Variants in DPP10 observed in about 807,000 individuals in gnomAD.
DPP10 encodes dipeptidyl peptidase like 10.
A neutral mutation model predicts 120.9 loss-of-function variants in DPP10; 33 were observed. That is an observed-to-expected ratio of 0.27 (90% CI 0.21 to 0.37). The LOEUF (loss-of-function observed/expected upper bound fraction) is 0.37, where lower values mean the gene tolerates loss of function less well. Among genes scored for constraint, DPP10 ranks in the 10% least tolerant of loss-of-function variants. The probability of loss-of-function intolerance (pLI) is 1.00; values close to 1 mark genes in which losing one functional copy is unlikely to be tolerated. For synonymous variants in DPP10, 337 were observed against 326.1 expected (o/e 1.03, Z -0.36); for missense variants, 816 against 942.8 (o/e 0.87, Z 1.76).
At chr2:114,730,796 G>C (rs1196859326) in intron 1 of DPP10, among the ~76,000 whole-genome samples, 1 of 151,970 alleles carries the variant, frequency 6.6e-6, no homozygotes, top group Non-Finnish European at 1.5e-5. Flanking sequence ...GTTTCACCCT[G>C]TTAGGCTGGT....
chr2:114,621,238 T>C (rs1291649598), intron 1 of DPP10, among the ~76,000 whole-genome samples: 1 of 152,106 alleles, frequency 6.6e-6, no homozygotes, highest in Admixed American at 6.6e-5. Flanking sequence ...GGGAGACAGT[T>C]GTAATACTTA....
At chr2:115,503,090 C>G (rs1327906766) in intron 4 of DPP10, among the ~76,000 whole-genome samples, 1 of 151,996 alleles carries the variant, frequency 6.6e-6, no homozygotes, top group Non-Finnish European at 1.5e-5. Context: ...CTCTGTAAGC[C>G]TATTTAAATA....
chr2:115,089,074 C>A (rs1446747953), intron 1 of DPP10, among the ~76,000 whole-genome samples: 1 of 152,078 alleles, frequency 6.6e-6, no homozygotes, highest in Non-Finnish European at 1.5e-5. Flanking sequence ...TTTTTATGCG[C>A]CACCTTCTGC....
chr2:114,716,057 T>TA (rs374803527), intron 1 of DPP10, among the ~76,000 whole-genome samples: 41 of 146,810 alleles, frequency 2.8e-4, no homozygotes, highest in East Asian at 1.0e-3. Flanking sequence ...GTCTTTTTTT[T>TA]AAAAAAAAAA....
At chr2:115,449,079 T>C (rs1401146498) in intron 3 of DPP10, among the ~76,000 whole-genome samples, 1 of 152,172 alleles carries the variant, frequency 6.6e-6, no homozygotes, top group Non-Finnish European at 1.5e-5. Flanking sequence ...AAAGAAATGC[T>C]GAACTTTTCA....
intron 1 of DPP10, among the ~76,000 whole-genome samples, chr2:114,896,495 CA>C (rs1177852069): frequency 6.6e-6 from 1 of 151,992 alleles, no homozygotes; most frequent in Non-Finnish European, 1.5e-5. Context: ...CTCTTTGAAG[CA>C]ATTGTGAATG....
chr2:114,704,015 C>A (rs1030881556), intron 1 of DPP10, among the ~76,000 whole-genome samples: 1 of 152,110 alleles, frequency 6.6e-6, no homozygotes, highest in African/African-American at 2.4e-5. Flanking sequence ...GTACCACATG[C>A]TTTTCCAAAT....
chr2:114,761,768 T>C (rs1680302858), intron 1 of DPP10, among the ~76,000 whole-genome samples: 1 of 152,270 alleles, frequency 6.6e-6, no homozygotes, highest in Non-Finnish European at 1.5e-5. Context: ...CTGCAGACAC[T>C]TCCCACCATA....
intron 1 of DPP10, among the ~76,000 whole-genome samples, chr2:114,603,845 C>A (rs1692569722): frequency 6.6e-6 from 1 of 151,984 alleles, no homozygotes; most frequent in Admixed American, 6.6e-5. Flanking sequence ...TGTTGTGGGT[C>A]CCCAGATCAC....
chr2:115,019,483 TA>T (rs893411962), intron 1 of DPP10, among the ~76,000 whole-genome samples: 4 of 151,712 alleles, frequency 2.6e-5, no homozygotes, highest in African/African-American at 9.7e-5. Flanking sequence ...AAAAATGAAT[TA>T]AAAAAAATGA....
chr2:115,322,158 A>G (rs556935189), intron 2 of DPP10, among the ~76,000 whole-genome samples: 1 of 152,126 alleles, frequency 6.6e-6, no homozygotes, highest in African/African-American at 2.4e-5. Context: ...TGGAACTCTT[A>G]TAATCAAATT....
intron 1 of DPP10, among the ~76,000 whole-genome samples, chr2:114,720,004 T>C (rs1348768048): frequency 6.6e-6 from 1 of 152,166 alleles, no homozygotes; most frequent in Admixed American, 6.5e-5. Flanking sequence ...TTGAGTTTGG[T>C]TAATGAAAAC....
intron 1 of DPP10, among the ~76,000 whole-genome samples, chr2:115,293,016 A>G (rs1299768120): frequency 6.6e-6 from 1 of 152,074 alleles, no homozygotes; most frequent in Non-Finnish European, 1.5e-5. Flanking sequence ...CCTGGCACTC[A>G]GGTTTGGGGC....
rs564520112 is a variant in DPP10, at chr2:114,813,176, CA to C, written c.60+370340del. On this transcript the variant is annotated intron_variant, in intron 1 of 25. Transcript: ENST00000410059. ...ATCTTTCATTTTAGACTGCTTGAAA[CA>C]ATGATTTTTTGATAATGAGTGAGCA... 2.1e-3 allele frequency among the ~76,000 whole-genome samples: 324 copies of C among 152,222 alleles called. 3 individuals carry two copies. The highest frequency in any genetic ancestry group is 7.0e-3 in the African/African-American group (290 of 41,538).
intron 1 of DPP10, among the ~76,000 whole-genome samples, chr2:115,182,939 G>A (rs940481622): frequency 3.2e-4 from 48 of 152,222 alleles, no homozygotes; most frequent in African/African-American, 7.5e-4. Flanking sequence ...TGAGAAGGAC[G>A]ATGTGGCATA....
In DPP10 at chr2:114,706,441, A is replaced by G. The variant is rs578244619; in HGVS notation, c.60+263603A>G. ...TTTCTTCTGAAGACTCTAAAGGAGA[A>G]TATATTCCATGCCTCTATCTTAGCT... On this transcript the variant is annotated intron_variant, in intron 1 of 25. Coordinates refer to ENST00000410059, the MANE Select transcript of DPP10 (RefSeq NM_020868.6). 6.0e-4 allele frequency among the ~76,000 whole-genome samples: 91 copies of G among 152,360 alleles called. 1 individual carries two copies. In the South Asian group the frequency reaches 7.7e-3, roughly 13 times the overall value.
intron 1 of DPP10, among the ~76,000 whole-genome samples, chr2:114,542,900 G>A (rs370050936): frequency 6.6e-6 from 1 of 152,086 alleles, no homozygotes; most frequent in East Asian, 1.9e-4. Flanking sequence ...GAATACCTGT[G>A]GCTCTATTTC....
intron 1 of DPP10, among the ~76,000 whole-genome samples, chr2:115,308,387 G>A (rs1259969518): frequency 2.0e-5 from 3 of 152,046 alleles, no homozygotes; most frequent in Admixed American, 6.6e-5. Context: ...GGGAAATGGA[G>A]TAGGAAGAAA....
intron 1 of DPP10, among the ~76,000 whole-genome samples, chr2:114,984,907 A>G (rs1256199317): frequency 1.3e-5 from 2 of 152,040 alleles, no homozygotes; most frequent in Non-Finnish European, 2.9e-5. Flanking sequence ...GTCCATTTCC[A>G]TGGCTTTTAC....
Sources: allele counts gnomAD v4.1 joint callset (sites outside exome capture counted in the v4.1 genomes callset), GRCh38; gene constraint gnomAD v4.1.1; transcripts MANE v1.5; gene names NCBI Gene and HGNC (gene_info 2026-07-23, HGNC 2026-07-21).